CSMD3: variants seen among roughly 807,000 people sequenced by gnomAD.
CSMD3 encodes CUB and Sushi multiple domains 3, also known as CUB and sushi domain-containing protein 3.
Under a neutral mutation model 435.2 loss-of-function variants are expected in CSMD3, and 177 were observed. That is an observed-to-expected ratio of 0.41 (90% CI 0.36 to 0.46). The LOEUF (loss-of-function observed/expected upper bound fraction) is 0.46, where lower values mean the gene tolerates loss of function less well. Ranked by LOEUF, CSMD3 falls within the 20% of genes least tolerant of loss-of-function variation. The probability of loss-of-function intolerance (pLI) is 0.34; values close to 1 mark genes in which losing one functional copy is unlikely to be tolerated. For synonymous variants in CSMD3, 1,656 were observed against 1,520.5 expected (o/e 1.09, Z -2.07); for missense variants, 4,265 against 4,504.6 (o/e 0.95, Z 1.52).
chr8:112,262,749 T>G (rs530896193), intron 61 of CSMD3, among the ~76,000 whole-genome samples: 2 of 152,214 alleles, frequency 1.3e-5, no homozygotes, highest in Non-Finnish European at 2.9e-5. Flanking sequence ...GGCCTGTGTT[T>G]CTGGAGCAGA....
intron 1 of CSMD3, among the ~76,000 whole-genome samples, chr8:113,321,046 G>T (rs1247785251): frequency 6.6e-6 from 1 of 151,956 alleles, no homozygotes; most frequent in Non-Finnish European, 1.5e-5. Flanking sequence ...CTGTGGATTT[G>T]ATTCAATTCT....
rs2075272897 is a variant in CSMD3 at position 112,657,009 on chromosome 8, C to T, written c.2817-668G>A. ...CTATGGTGTAGCTCATATTATTAAA[C>T]CCACTTTCCAAGTAAGAAAACCACA... On this transcript the variant is annotated intron_variant, in intron 17 of 70. Transcript: ENST00000297405. 2.0e-5 allele frequency among the ~76,000 whole-genome samples: 3 copies of T among 151,784 alleles called. No homozygotes were observed. The South Asian group carries it at 6.2e-4, about 31-fold the overall frequency.
chr8:112,256,673 A>G (rs1815832401), intron 61 of CSMD3, among the ~76,000 whole-genome samples: 1 of 152,238 alleles, frequency 6.6e-6, no homozygotes, highest in African/African-American at 2.4e-5. Context: ...ATTGTGGCAA[A>G]GAAAATACAT....
At chr8:113,205,004 G>C (rs2092755621) in intron 3 of CSMD3, among the ~76,000 whole-genome samples, 1 of 150,250 alleles carries the variant, frequency 6.7e-6, no homozygotes, top group Non-Finnish European at 1.5e-5. Context: ...TTTTTTTGGA[G>C]ACAAAGTCTC....
chr8:112,386,385 A>G (rs1829952364), intron 36 of CSMD3, among the ~76,000 whole-genome samples: 1 of 152,216 alleles, frequency 6.6e-6, no homozygotes, highest in Non-Finnish European at 1.5e-5. Flanking sequence ...TAAAGAGTGT[A>G]GAAGCAGAAT....
At chr8:113,371,438 T>C (rs1387492262) in intron 1 of CSMD3, among the ~76,000 whole-genome samples, 2 of 152,156 alleles carry the variant, frequency 1.3e-5, no homozygotes, top group Non-Finnish European at 2.9e-5. Context: ...CTAAGTTGCC[T>C]CTGACAATTC....
At chr8:113,350,016 G>A (rs2094179136) in intron 1 of CSMD3, among the ~76,000 whole-genome samples, 1 of 151,948 alleles carries the variant, frequency 6.6e-6, no homozygotes, top group African/African-American at 2.4e-5. Flanking sequence ...AGAGTCCGAG[G>A]CTACCATGTC....
chr8:112,927,014 A>C (rs1290175262), intron 9 of CSMD3, among the ~76,000 whole-genome samples: 1 of 152,164 alleles, frequency 6.6e-6, no homozygotes, highest in Admixed American at 6.6e-5. Context: ...AGTATCTGCA[A>C]ACCATTTCTG....
intron 5 of CSMD3, among the ~76,000 whole-genome samples, chr8:113,071,006 C>A (rs2089088757): frequency 6.6e-6 from 1 of 151,950 alleles, no homozygotes; most frequent in Admixed American, 6.6e-5. Context: ...TATCTAATAG[C>A]CATTCTAACA....
chr8:112,508,961 A>G (rs1227599517), intron 28 of CSMD3, among the ~76,000 whole-genome samples: 1 of 152,214 alleles, frequency 6.6e-6, no homozygotes, highest in African/African-American at 2.4e-5. Context: ...TTGTTTCTCA[A>G]AGAAAAGTGC....
chr8:113,269,726 T>C (rs2132407745), intron 3 of CSMD3, among the ~76,000 whole-genome samples: 1 of 152,266 alleles, frequency 6.6e-6, no homozygotes, highest in African/African-American at 2.4e-5. Context: ...GATTCCCTAT[T>C]TAACAAATGG....
intron 28 of CSMD3, among the ~76,000 whole-genome samples, chr8:112,509,268 T>C (rs1822848762): frequency 6.6e-6 from 1 of 152,120 alleles, no homozygotes; most frequent in African/African-American, 2.4e-5. Flanking sequence ...CTTTGTATTT[T>C]TGGAGAGACA....
At chr8:113,336,900 CCTT>C (rs1441771589) in intron 1 of CSMD3, among the ~76,000 whole-genome samples, 1 of 152,100 alleles carries the variant, frequency 6.6e-6, no homozygotes, top group African/African-American at 2.4e-5. Flanking sequence ...TGTTGGAACA[CCTT>C]CTTGTAGCCT....
chr8:112,809,095 A>G (rs2079160894), intron 12 of CSMD3, among the ~76,000 whole-genome samples: 1 of 152,202 alleles, frequency 6.6e-6, no homozygotes, highest in Non-Finnish European at 1.5e-5. Context: ...AATGGTTGCC[A>G]GACCTATGAA....
At chr8:112,301,721 G>A in intron 53 of CSMD3, 72 bp downstream of exon 53, 1 of 1,128,316 alleles carries the variant, frequency 8.9e-7, no homozygotes, top group Non-Finnish European at 1.4e-6. Context: ...TCATATTAGG[G>A]AAAAAGAGAT....
chr8:113,116,938 T>C (rs1341015548), intron 4 of CSMD3, among the ~76,000 whole-genome samples: 1 of 152,124 alleles, frequency 6.6e-6, no homozygotes, highest in African/African-American at 2.4e-5. Flanking sequence ...ATTTAAGGTA[T>C]CTGGCAGAAG....
At chr8:112,588,827 A>G (rs4480144) in intron 22 of CSMD3, among the ~76,000 whole-genome samples, 87,150 of 151,244 alleles carry the variant, frequency 0.58, 25,631 homozygotes, top group African/African-American at 0.69. Flanking sequence ...ACTTTCATCC[A>G]TATAGTGCAA....
chr8:112,628,059 C>CA (rs956440596), intron 22 of CSMD3, among the ~76,000 whole-genome samples: 43 of 152,142 alleles, frequency 2.8e-4, no homozygotes, highest in Admixed American at 1.5e-3. Flanking sequence ...CTACAAATCC[C>CA]AAGTGAATAA....
At chr8:112,259,970 A>T (rs1022224377) in intron 61 of CSMD3, among the ~76,000 whole-genome samples, 1 of 152,110 alleles carries the variant, frequency 6.6e-6, no homozygotes, top group Admixed American at 6.6e-5. Flanking sequence ...AAACTCCTCA[A>T]TCCCCCAGTA....
Sources: gnomAD v4.1 joint callset for allele counts (sites outside exome capture counted in the v4.1 genomes callset) on GRCh38, gnomAD v4.1.1 for gene constraint, MANE v1.5 for transcripts, NCBI Gene and HGNC (gene_info 2026-07-23, HGNC 2026-07-21) for gene names.